The following GPR89A variants were observed in gnomAD, a reference collection of about 807,000 sequenced individuals.
GPR89A encodes G protein-coupled receptor 89A.
In GPR89A, 16 loss-of-function variants were observed where a neutral mutation model predicts 52.0. The observed-to-expected ratio is 0.31, with a 90% confidence interval of 0.21 to 0.47. The LOEUF is 0.47. GPR89A is among the 20% of genes least tolerant of loss of function. The pLI, the probability that GPR89A is intolerant of heterozygous loss-of-function variation, is 1.00. For synonymous variants in GPR89A, 55 were observed against 150.9 expected, an observed-to-expected ratio of 0.36 and a Z score of 4.66; for missense variants, 135 against 449.4, an observed-to-expected ratio of 0.30 and a Z score of 6.33.
intron 10 of GPR89A, among the ~76,000 whole-genome samples, chr1:145,659,906 T>C (rs1223219331): frequency 6.7e-6 from 1 of 149,824 alleles, no homozygotes; most frequent in Non-Finnish European, 1.5e-5. Context: ...ACCATGAGCA[T>C]GGAATGTTCT....
intron 1 of GPR89A, among the ~76,000 whole-genome samples, chr1:145,610,800 G>T (rs587710763): frequency 6.6e-6 from 1 of 152,186 alleles, no homozygotes; most frequent in East Asian, 1.9e-4. Flanking sequence ...TCCAAGAAAG[G>T]TGTCTTTTAT....
Position 145,670,248 on chromosome 1 carries a change from A to G in GPR89A, c.*208A>G. 1 of 1,281,076 alleles carries G rather than the reference A, an allele frequency of 7.8e-7. No homozygotes were observed. Among genetic ancestry groups the G allele is most frequent in the East Asian group, 2.5e-5 (1 of 39,442 alleles). The allele number at this position is 1,281,076 out of a possible 1,614,324, so 79.4% of individuals were successfully genotyped here. A position where few individuals can be genotyped will look rare whatever the true frequency, so the allele number is the denominator to read the frequency against. ...GAACATGAGAGGGAGAACTAACTCA[A>G]GACAATACTCAGCAGAGAGCATCCC... On this transcript the variant is annotated 3_prime_UTR_variant, in exon 14 of 14. Coordinates refer to ENST00000313835, the MANE Select transcript of GPR89A (RefSeq NM_001097612.2).
In GPR89A at chr1:145,663,366, CG is replaced by C. The variant is rs1553695943; in HGVS notation, c.949del (p.Asp317IlefsTer11). ...ATTGTTTTTGATCGAGTTGGGAAAA[CG>C]GATCCTGTCACAAGAGGCATTGAGA... ...INIVFDRVGK[T>X]DPVTRGIEIT... On this transcript the variant is annotated frameshift_variant, in exon 11 of 14. Coordinates refer to ENST00000313835, the MANE Select transcript of GPR89A (RefSeq NM_001097612.2). LOFTEE classifies it high-confidence loss of function. The C allele has an allele frequency of 6.2e-7, 1 of 1,610,638 alleles. No individual in the cohort carries two copies. The highest frequency in any genetic ancestry group is 1.7e-5 in the Admixed American group (1 of 59,900).
intron 12 of GPR89A, among the ~76,000 whole-genome samples, chr1:145,667,865 A>G (rs1303545819): frequency 6.6e-6 from 1 of 152,172 alleles, no homozygotes; most frequent in East Asian, 1.9e-4. Flanking sequence ...CAGGTTTGTC[A>G]AAGAGCAGAT....
intron 7 of GPR89A, among the ~76,000 whole-genome samples, chr1:145,632,458 T>G (rs1302108718): frequency 6.6e-6 from 1 of 152,068 alleles, no homozygotes. Flanking sequence ...TTCTGTTGAG[T>G]TCACTGTTTT....
intron 2 of GPR89A, among the ~76,000 whole-genome samples, chr1:145,617,384 T>C (rs1648786134): frequency 6.6e-6 from 1 of 152,138 alleles, no homozygotes; most frequent in Non-Finnish European, 1.5e-5. Flanking sequence ...AATTTCATAT[T>C]GTTCAAACAC....
At chr1:145,629,839 A>C (rs1436831837) in intron 5 of GPR89A, among the ~76,000 whole-genome samples, 1 of 152,152 alleles carries the variant, frequency 6.6e-6, no homozygotes, top group Admixed American at 6.5e-5. Context: ...GCCAGTAGTC[A>C]GAAAAGGAAT....
chr1:145,612,332 C>T (rs1648353123), intron 1 of GPR89A: 2 of 152,154 alleles, frequency 1.3e-5, no homozygotes, highest in South Asian at 4.1e-4. Context: ...CCTTTCCTCC[C>T]ATTTCAGAAA....
chr1:145,610,093 C>G (rs1553685858), intron 1 of GPR89A, among the ~76,000 whole-genome samples: 1 of 152,024 alleles, frequency 6.6e-6, no homozygotes, highest in Non-Finnish European at 1.5e-5. Context: ...CTCCTGTATT[C>G]ACCAGCATCT....
Position 145,661,449 on chromosome 1 carries a change from A to G in GPR89A, c.910-1880A>G, listed in dbSNP as rs2796950. On this transcript the variant is annotated intron_variant, in intron 10 of 13. Coordinates refer to ENST00000313835, the MANE Select transcript of GPR89A (RefSeq NM_001097612.2). ...TGTGCACATGTACCCTAAAACTTAAAGTATAATAATAATAAAATAAAATAA... is the reference window on the plus strand; with the variant it reads ...TGTGCACATGTACCCTAAAACTTAAGGTATAATAATAATAAAATAAAATAA... 4.2e-3 allele frequency among the ~76,000 whole-genome samples: 631 copies of G among 151,068 alleles called. 7 individuals carry two copies. The highest frequency in any genetic ancestry group is 0.015 in the African/African-American group (614 of 41,192).
At chr1:145,655,589 A>G (rs1204670673) in intron 10 of GPR89A, among the ~76,000 whole-genome samples, 2 of 152,130 alleles carry the variant, frequency 1.3e-5, no homozygotes, top group African/African-American at 4.8e-5. Context: ...GGTCGAATCC[A>G]TACCCTACTC....
At chr1:145,627,898 T>G (rs1649623516) in intron 5 of GPR89A, among the ~76,000 whole-genome samples, 1 of 151,084 alleles carries the variant, frequency 6.6e-6, no homozygotes, top group African/African-American at 2.5e-5. Flanking sequence ...AGAAAGACCT[T>G]GGTGTATTCA....
intron 7 of GPR89A, among the ~76,000 whole-genome samples, chr1:145,635,364 C>G (rs1380682736): frequency 6.6e-6 from 1 of 151,284 alleles, no homozygotes; most frequent in Non-Finnish European, 1.5e-5. Flanking sequence ...CCAGATCGCG[C>G]CACTGCACTC....
chr1:145,660,751 A>G (rs587600658), intron 10 of GPR89A, among the ~76,000 whole-genome samples: 5 of 151,942 alleles, frequency 3.3e-5, no homozygotes, highest in African/African-American at 9.7e-5. Flanking sequence ...CAAAACCACA[A>G]TGACATACCA....
At chr1:145,632,608 G>T (rs80219833) in intron 7 of GPR89A, among the ~76,000 whole-genome samples, 5,000 of 152,216 alleles carry the variant, frequency 0.033, 211 homozygotes, top group African/African-American at 0.11. Flanking sequence ...GTATTCTGTT[G>T]TACATGTATG....
intron 10 of GPR89A, among the ~76,000 whole-genome samples, chr1:145,648,795 GT>G (rs1379906263): frequency 0.97 from 101,850 of 105,412 alleles, 49,255 homozygotes; most frequent in Middle Eastern, 0.99. Flanking sequence ...AGGGAAGCAT[GT>G]TCTTTTTTTT....
chr1:145,632,344 A>T (rs1393039776), intron 7 of GPR89A, among the ~76,000 whole-genome samples: 1 of 152,044 alleles, frequency 6.6e-6, no homozygotes, highest in Non-Finnish European at 1.5e-5. Context: ...AAAGAAAAAA[A>T]ACCTTATTCC....
At chr1:145,646,674 C>G (rs782246838) in intron 9 of GPR89A, 5 of 226,176 alleles carry the variant, frequency 2.2e-5, no homozygotes, top group Non-Finnish European at 4.3e-5. Flanking sequence ...CAATAAGTGT[C>G]GAAACTGTAA....
At chr1:145,640,000 T>G (rs1199054622) in intron 7 of GPR89A, among the ~76,000 whole-genome samples, 2 of 151,176 alleles carry the variant, frequency 1.3e-5, no homozygotes, top group African/African-American at 4.9e-5. Context: ...GACGGATCAC[T>G]TAAGGTCAGG....
Sources: allele counts gnomAD v4.1 joint callset (sites outside exome capture counted in the v4.1 genomes callset), GRCh38; gene constraint gnomAD v4.1.1; transcripts MANE v1.5; gene names NCBI Gene and HGNC (gene_info 2026-07-23, HGNC 2026-07-21).